USP24: variants seen among roughly 807,000 people sequenced by gnomAD.
USP24 encodes the protein ubiquitin specific peptidase 24, also known as ubiquitin carboxyl-terminal hydrolase 24.
Under a neutral mutation model 361.6 loss-of-function variants are expected in USP24, and 97 were observed. The ratio of observed to expected loss-of-function variants is 0.27; its 90% CI spans 0.23 to 0.32. USP24 has a LOEUF of 0.32. USP24 is among the 10% of genes least tolerant of loss of function. The pLI is 1.00. For missense variants in USP24, 2,353 were observed against 3,165.6 expected, an observed-to-expected ratio of 0.74 and a Z score of 6.16; for synonymous variants, 1,098 against 1,124.6, an observed-to-expected ratio of 0.98 and a Z score of 0.47.
intron 12 of USP24, among the ~76,000 whole-genome samples, chr1:55,156,450 G>GA (rs1302562971): frequency 6.6e-6 from 1 of 151,452 alleles, no homozygotes; most frequent in East Asian, 1.9e-4. Flanking sequence ...GCAATGCTAG[G>GA]AAAGTTAGGA....
intron 59 of USP24, among the ~76,000 whole-genome samples, chr1:55,079,888 G>A (rs1007087480): frequency 2.7e-5 from 4 of 150,554 alleles, no homozygotes; most frequent in Non-Finnish European, 4.4e-5. Context: ...CACAGTACTC[G>A]CACACACAGA....
intron 1 of USP24, among the ~76,000 whole-genome samples, chr1:55,204,199 A>T (rs1268871330): frequency 1.3e-5 from 2 of 152,178 alleles, no homozygotes; most frequent in Admixed American, 1.3e-4. Flanking sequence ...TCTTTCTAAA[A>T]TTACCAACAT....
intron 59 of USP24, among the ~76,000 whole-genome samples, chr1:55,080,712 C>G (rs1361920716): frequency 6.6e-6 from 1 of 152,174 alleles, no homozygotes; most frequent in East Asian, 1.9e-4. Flanking sequence ...AAACAGTACA[C>G]ACATAAGTTA....
chr1:55,132,957 GAGA>G (rs1164850765), intron 30 of USP24, among the ~76,000 whole-genome samples: 1 of 152,174 alleles, frequency 6.6e-6, no homozygotes, highest in Non-Finnish European at 1.5e-5. Flanking sequence ...AGCAACACCT[GAGA>G]AGGTCATTTT....
At chr1:55,165,701 T>C (rs1318038636) in intron 7 of USP24, among the ~76,000 whole-genome samples, 184 bp downstream of exon 7, 2 of 152,146 alleles carry the variant, frequency 1.3e-5, no homozygotes, top group East Asian at 1.9e-4. Flanking sequence ...AAACTCTACA[T>C]AGCAATTTGG....
chr1:55,094,779 G>A (rs1176340840), intron 51 of USP24, among the ~76,000 whole-genome samples: 2 of 150,022 alleles, frequency 1.3e-5, no homozygotes, highest in South Asian at 2.1e-4. Flanking sequence ...TGGGAGTATT[G>A]CTTGAGCCCA....
In USP24 at chr1:55,089,731, A is replaced by G. The variant is rs1311812805; in HGVS notation, c.6564T>C (p.Thr2188=). The G allele has an allele frequency of 1.3e-6, 2 of 1,593,810 alleles. No individual in the cohort carries two copies. The highest frequency in any genetic ancestry group is 4.5e-5 in the East Asian group (2 of 44,480). Residue 2188 remains threonine (T), a synonymous_variant, in exon 55 of 68, where the codon ACT becomes ACC. Coordinates refer to ENST00000294383, the MANE Select transcript of USP24 (RefSeq NM_015306.3). ...LRTKKKLRVD[T]EEWIATIEAL... Reference sequence around the variant, plus strand: ...CTTCAATGGTAGCAATCCATTCTTCAGTATCAACCCTTTAAAAAAAAGCAG... The same window carrying G: ...CTTCAATGGTAGCAATCCATTCTTCGGTATCAACCCTTTAAAAAAAAGCAG...
At chr1:55,172,714 C>T (rs921520810) in intron 3 of USP24, among the ~76,000 whole-genome samples, 194 bp from the exon 4 acceptor site, 10 of 152,120 alleles carry the variant, frequency 6.6e-5, no homozygotes, top group Admixed American at 6.6e-4. Flanking sequence ...CAGAGTTTTG[C>T]TTTTGAATTT....
At position 55,068,825 on chromosome 1, in the gene USP24, C is replaced by T; in HGVS notation, c.*220G>A. 4 of 568,400 alleles carry T rather than the reference C, an allele frequency of 7.0e-6. No homozygotes were observed. The highest frequency in any genetic ancestry group is 1.2e-5 in the Non-Finnish European group (4 of 322,176). The allele number at this position is 568,400 out of a possible 1,614,324, so 35.2% of individuals were successfully genotyped here. A position where few individuals can be genotyped will look rare whatever the true frequency, so the allele number is the denominator to read the frequency against. On this transcript the variant is annotated 3_prime_UTR_variant, in exon 68 of 68. Transcript: ENST00000294383. ...CCACATATAGACCACGCTCCCGGGA[C>T]AGCTGATCCACATGCCGGAGTTCTC...
intron 59 of USP24, 82 bp from the exon 60 acceptor site, chr1:55,079,741 CTCCT>C (rs1645104934): frequency 7.8e-7 from 1 of 1,288,894 alleles, no homozygotes. Flanking sequence ...GAAAATGTGC[CTCCT>C]TCAAGACTCG....
At chr1:55,137,445 G>T in intron 28 of USP24, 70 bp downstream of exon 28, 1 of 1,500,536 alleles carries the variant, frequency 6.7e-7, no homozygotes, top group Non-Finnish European at 9.0e-7. Context: ...TATACAGTTT[G>T]GAAGAGTCAG....
At chr1:55,207,148 AC>A (rs1416451393) in intron 1 of USP24, among the ~76,000 whole-genome samples, 1 of 152,130 alleles carries the variant, frequency 6.6e-6, no homozygotes, top group African/African-American at 2.4e-5. Context: ...ACAGAGTGAG[AC>A]CCTGTCTCAA....
intron 4 of USP24, 36 bp from the exon 5 acceptor site, chr1:55,171,714 A>AT (rs1216853639): frequency 3.2e-6 from 5 of 1,576,236 alleles, no homozygotes; most frequent in Non-Finnish European, 4.3e-6. Context: ...ATTATTATCT[A>AT]TTTCTATAGC....
rs777739994 is a variant in USP24 at position 55,103,872 on chromosome 1, C to T, written c.5025+4G>A. ...TTAAGTTCATCAACGTCTAGAAAAC[C>T]TACATCAAACTCCTTGGTAAGAGCA... On this transcript the variant is annotated splice_donor_region_variant and intron_variant, in intron 42 of 67. Transcript: ENST00000294383. 1.2e-6 allele frequency: 2 copies of T among 1,606,594 alleles called. No individual in the cohort carries two copies. The highest frequency in any genetic ancestry group is 2.2e-5 in the East Asian group (1 of 44,806).
At chr1:55,175,473 G>A (rs1381479742) in intron 3 of USP24, among the ~76,000 whole-genome samples, 1 of 152,066 alleles carries the variant, frequency 6.6e-6, no homozygotes, top group Non-Finnish European at 1.5e-5. Flanking sequence ...TGATCTGCCT[G>A]CCTTGGCCTC....
intron 3 of USP24, among the ~76,000 whole-genome samples, chr1:55,176,058 A>G (rs1158554209): frequency 6.6e-6 from 1 of 152,238 alleles, no homozygotes; most frequent in East Asian, 1.9e-4. Context: ...ATATCCTAGT[A>G]TAATTAAGTC....
At chr1:55,139,115 G>T in intron 24 of USP24, 105 bp from the exon 25 acceptor site, 1 of 992,856 alleles carries the variant, frequency 1.0e-6, no homozygotes, top group Non-Finnish European at 1.5e-6. Context: ...AGCACTCACT[G>T]GTCAAAGACT....
At chr1:55,071,219 A>G (rs1226017895) in intron 67 of USP24, 1 of 987,144 alleles carries the variant, frequency 1.0e-6, no homozygotes, top group Non-Finnish European at 1.2e-6. Flanking sequence ...ACTGCTGTTA[A>G]GGAAAGTTAC....
chr1:55,116,491 T>C (rs1490407742), intron 38 of USP24, among the ~76,000 whole-genome samples: 1 of 151,960 alleles, frequency 6.6e-6, no homozygotes. Context: ...GGTACATAAC[T>C]ACCAATTTTA....
Sources: gnomAD v4.1 joint callset for allele counts (sites outside exome capture counted in the v4.1 genomes callset) on GRCh38, gnomAD v4.1.1 for gene constraint, MANE v1.5 for transcripts, NCBI Gene and HGNC (gene_info 2026-07-23, HGNC 2026-07-21) for gene names.